The following CNBD2 variants were observed in gnomAD, a reference collection of about 807,000 sequenced individuals.
CNBD2 encodes the protein cyclic nucleotide-binding domain-containing protein 2.
A neutral mutation model predicts 63.7 loss-of-function variants in CNBD2; 64 were observed. The ratio of observed to expected loss-of-function variants is 1.00; its 90% CI spans 0.82 to 1.24. CNBD2 has a LOEUF of 1.24. CNBD2 is among the 50% of genes most tolerant of loss of function. CNBD2 has a pLI of 0.00. For missense variants in CNBD2, 691 were observed against 713.5 expected, an observed-to-expected ratio of 0.97 and a Z score of 0.36; for synonymous variants, 229 against 255.4, an observed-to-expected ratio of 0.90 and a Z score of 0.99.
chr20:36,023,244 G>T (rs2057240882), intron 10 of CNBD2, among the ~76,000 whole-genome samples: 1 of 152,148 alleles, frequency 6.6e-6, no homozygotes, highest in Non-Finnish European at 1.5e-5. Context: ...CTGTGGGTAG[G>T]CTGGGCACGG....
chr20:35,993,026 T>C (rs1039842928), intron 7 of CNBD2, among the ~76,000 whole-genome samples: 1 of 152,064 alleles, frequency 6.6e-6, no homozygotes, highest in African/African-American at 2.4e-5. Context: ...TTCTAACAGT[T>C]TATCACTGGG....
chr20:36,023,531 A>G (rs2057245679), intron 10 of CNBD2, 71 bp from the exon 11 acceptor site: 3 of 1,346,904 alleles, frequency 2.2e-6, no homozygotes, highest in Non-Finnish European at 3.0e-6. Flanking sequence ...AATAAAAGAA[A>G]AAAAAGAATG....
intron 7 of CNBD2, among the ~76,000 whole-genome samples, chr20:35,994,677 T>G (rs1402266288): frequency 6.7e-6 from 1 of 149,706 alleles, no homozygotes; most frequent in Non-Finnish European, 1.5e-5. Flanking sequence ...TTGCTTGAGG[T>G]CAGGAGTTCG....
chr20:36,003,369 A>T lies in CNBD2; in HGVS notation c.971-4928A>T, dbSNP rs557471847. Among the ~76,000 whole-genome samples the T allele has an allele frequency of 2.1e-4, 32 of 152,106 alleles. No individual in the cohort carries two copies. In the South Asian group the frequency reaches 6.0e-3, roughly 29 times the overall value. ...AAAATGTGAATTTTGAGTACTGCAT[A>T]TTTTTTATTCCTGTAAATATTTCTG... is the stretch of plus-strand genomic sequence containing the variant. On this transcript the variant is annotated intron_variant, in intron 8 of 11. Coordinates refer to ENST00000373973, the MANE Select transcript of CNBD2 (RefSeq NM_001365709.1).
intron 7 of CNBD2, among the ~76,000 whole-genome samples, chr20:35,990,497 G>A (rs1601047921): frequency 6.6e-6 from 1 of 151,988 alleles, no homozygotes; most frequent in Non-Finnish European, 1.5e-5. Flanking sequence ...TGGACATGGT[G>A]GCGCATGCCT....
chr20:35,967,239 CTTTTTTTTTT>C (rs141881380), upstream of CNBD2, among the ~76,000 whole-genome samples: 12 of 86,992 alleles, frequency 1.4e-4, no homozygotes, highest in Non-Finnish European at 1.9e-4. Context: ...CCCCCTCCCG[CTTTTTTTTTT>C]TTTTTTTTTT....
At chr20:36,003,440 C>T (rs2056943748) in intron 8 of CNBD2, among the ~76,000 whole-genome samples, 1 of 152,108 alleles carries the variant, frequency 6.6e-6, no homozygotes, top group Non-Finnish European at 1.5e-5. Flanking sequence ...CTTTTCAAGG[C>T]TTGCTTTTAA....
chr20:36,004,151 G>A (rs2056952627), intron 8 of CNBD2, among the ~76,000 whole-genome samples: 1 of 152,166 alleles, frequency 6.6e-6, no homozygotes, highest in African/African-American at 2.4e-5. Flanking sequence ...TGTTAGACGT[G>A]AGCCCAACCC....
intron 8 of CNBD2, among the ~76,000 whole-genome samples, chr20:36,001,709 C>T (rs1388725714): frequency 2.1e-5 from 3 of 146,166 alleles, no homozygotes; most frequent in East Asian, 4.2e-4. Flanking sequence ...CGCTCCTCAC[C>T]TCCCAGACGG....
chr20:35,971,108 C>T (rs1213904755), intron 1 of CNBD2, among the ~76,000 whole-genome samples: 2 of 151,270 alleles, frequency 1.3e-5, no homozygotes, highest in East Asian at 2.0e-4. Context: ...CCACTACGCC[C>T]GGCTAATTTT....
At position 36,011,249 on chromosome 20, in the gene CNBD2, G is replaced by GGTGC. The variant is rs1568915883; in HGVS notation, c.1261_1262insGTGC (p.Glu421GlyfsTer15). The GGTGC allele has an allele frequency of 6.4e-7, 1 of 1,558,938 alleles. No individual in the cohort carries two copies. The highest frequency in any genetic ancestry group is 1.2e-5 in the South Asian group (1 of 82,448). On this transcript the variant is annotated frameshift_variant, in exon 10 of 12. Transcript: ENST00000373973. LOFTEE classifies it high-confidence loss of function. ...GAAGGTGCACACTGTGGAGCAGGGA[G>GGTGC]AAATTTTGGTGAGTGTGCCAAGAGC...
intron 10 of CNBD2, among the ~76,000 whole-genome samples, chr20:36,015,126 AT>A (rs1245948924): frequency 6.6e-6 from 1 of 152,122 alleles, no homozygotes; most frequent in African/African-American, 2.4e-5. Flanking sequence ...GATGTTGAGC[AT>A]TTTTTTCATA....
upstream of CNBD2, among the ~76,000 whole-genome samples, chr20:35,968,021 T>C (rs2056361138): frequency 6.6e-6 from 1 of 152,172 alleles, no homozygotes; most frequent in African/African-American, 2.4e-5. Context: ...GGCTAACTCA[T>C]GGGCAATGAA....
chr20:35,997,158 G>A (rs1468363085), intron 8 of CNBD2, among the ~76,000 whole-genome samples: 1 of 151,948 alleles, frequency 6.6e-6, no homozygotes, highest in Non-Finnish European at 1.5e-5. Context: ...CACCCACTTG[G>A]GTCAAGGACC....
intron 1 of CNBD2, among the ~76,000 whole-genome samples, chr20:35,971,237 G>A (rs1031703076): frequency 1.3e-5 from 2 of 151,978 alleles, no homozygotes; most frequent in Admixed American, 6.6e-5. Flanking sequence ...ATGAGCCACC[G>A]GGCCCAGCCT....
rs1396505728 is a variant in CNBD2, at chr20:36,004,185, C to G, written c.971-4112C>G. 2.0e-5 allele frequency among the ~76,000 whole-genome samples: 3 copies of G among 152,158 alleles called. No individual in the cohort carries two copies. In the East Asian group the frequency reaches 5.8e-4, roughly 29 times the overall value. On this transcript the variant is annotated intron_variant, in intron 8 of 11. Transcript: ENST00000373973. Reference sequence around the variant, plus strand: ...CCACACTTAATGGGAGGGTATTACACAAGTGTGTGACTAGTAGGAGGTGGG... The same window carrying G: ...CCACACTTAATGGGAGGGTATTACAGAAGTGTGTGACTAGTAGGAGGTGGG...
intron 10 of CNBD2, among the ~76,000 whole-genome samples, chr20:36,015,124 G>A (rs536388693): frequency 1.3e-5 from 2 of 152,240 alleles, no homozygotes; most frequent in Admixed American, 6.5e-5. Context: ...ATGATGTTGA[G>A]CATTTTTTTC....
Position 36,008,339 on chromosome 20 carries a change from C to A in CNBD2, c.1013C>A (p.Ser338Ter). Residue 338 changes from serine to a stop codon, truncating the protein, a stop_gained, in exon 9 of 12, where the codon TCA (serine) becomes TAA (stop). Transcript: ENST00000373973. LOFTEE classifies it high-confidence loss of function. ...AGATTTAAGGAATTCCAGATCAAAT[C>A]ATATCCTCTGCAAGACTTTAGCTCC... The part of the protein sequence containing the change: ...MERFKEFQIK[S>*]YPLQDFSSLK... 1 of 1,613,746 alleles carries A rather than the reference C, an allele frequency of 6.2e-7. No homozygotes were observed. Among genetic ancestry groups the A allele is most frequent in the Non-Finnish European group, 8.5e-7 (1 of 1,179,892 alleles).
intron 10 of CNBD2, among the ~76,000 whole-genome samples, chr20:36,022,209 T>C (rs1228256644): frequency 2.3e-5 from 3 of 128,980 alleles, no homozygotes; most frequent in East Asian, 2.2e-4. Context: ...TTTTTTTTTT[T>C]TTTTTTTTGA....
Sources: gnomAD v4.1 joint callset for allele counts (sites outside exome capture counted in the v4.1 genomes callset) on GRCh38, gnomAD v4.1.1 for gene constraint, MANE v1.5 for transcripts, NCBI Gene and HGNC (gene_info 2026-07-23, HGNC 2026-07-21) for gene names.